DAB1: variants seen among roughly 807,000 people sequenced by gnomAD.
DAB1 encodes DAB adaptor protein 1.
A neutral mutation model predicts 64.6 loss-of-function variants in DAB1; 15 were observed. The ratio of observed to expected loss-of-function variants is 0.23; its 90% confidence interval spans 0.16 to 0.36. The LOEUF is 0.36. DAB1 is among the 10% of genes least tolerant of loss of function. DAB1 has a pLI of 1.00. For synonymous variants in DAB1, 235 were observed against 251.9 expected, an observed-to-expected ratio of 0.93 and a Z score of 0.64; for missense variants, 596 against 706.7, an observed-to-expected ratio of 0.84 and a Z score of 1.78.
At chr1:57,734,407 G>T (rs1028088561) in intron 6 of DAB1, among the ~76,000 whole-genome samples, 4 of 152,178 alleles carry the variant, frequency 2.6e-5, no homozygotes, top group South Asian at 2.1e-4. Context: ...AAAGATAAAA[G>T]GTAATATATA....
intron 2 of DAB1, among the ~76,000 whole-genome samples, chr1:57,250,412 G>A (rs1289398675): frequency 2.6e-5 from 4 of 152,164 alleles, no homozygotes; most frequent in East Asian, 1.9e-4. Flanking sequence ...GTGTACCTAC[G>A]CGAGGAGGTA....
chr1:57,612,195 T>TTGTGTATGTG (rs1553200167), intron 7 of DAB1, among the ~76,000 whole-genome samples: 50 of 149,662 alleles, frequency 3.3e-4, no homozygotes, highest in Non-Finnish European at 5.2e-4. Flanking sequence ...TGGCATGATC[T>TTGTGTATGTG]TGTGTGTGTG....
At chr1:57,746,993 G>A (rs149596713) in intron 6 of DAB1, among the ~76,000 whole-genome samples, 4 of 152,010 alleles carry the variant, frequency 2.6e-5, no homozygotes, top group South Asian at 2.1e-4. Flanking sequence ...CTTATTATAC[G>A]TTGGCTTTTT....
intron 6 of DAB1, among the ~76,000 whole-genome samples, chr1:57,814,053 A>G (rs573961742): frequency 6.6e-6 from 1 of 152,360 alleles, no homozygotes; most frequent in Admixed American, 6.5e-5. Flanking sequence ...TAAACAGCCA[A>G]TGACTAAAGC....
chr1:58,007,540 G>A (rs969759152), intron 5 of DAB1, among the ~76,000 whole-genome samples: 7 of 152,150 alleles, frequency 4.6e-5, no homozygotes, highest in Non-Finnish European at 7.3e-5. Flanking sequence ...TCACAAGGGC[G>A]GGCAACATTG....
chr1:58,461,974 T>C (rs1187527041), intron 3 of DAB1, among the ~76,000 whole-genome samples: 2 of 152,218 alleles, frequency 1.3e-5, no homozygotes, highest in Non-Finnish European at 2.9e-5. Flanking sequence ...CTCCCTTGTA[T>C]GCTACAGTCT....
intron 3 of DAB1, among the ~76,000 whole-genome samples, chr1:58,479,461 A>G (rs1307421266): frequency 6.6e-6 from 1 of 152,208 alleles, no homozygotes; most frequent in Non-Finnish European, 1.5e-5. Context: ...GTCCAAGAAG[A>G]TTTAATAATG....
intron 5 of DAB1, among the ~76,000 whole-genome samples, chr1:58,143,760 G>A (rs1017498800): frequency 2.0e-5 from 3 of 152,104 alleles, no homozygotes; most frequent in African/African-American, 4.8e-5. Flanking sequence ...ATGGCAAAGG[G>A]TTTCACTTTA....
chr1:58,536,826 G>C (rs749135893), intron 1 of DAB1: 1 of 727,730 alleles, frequency 1.4e-6, no homozygotes, highest in Non-Finnish European at 2.4e-6. Flanking sequence ...AGAATTTTAC[G>C]TCCTCAAATA....
At chr1:58,124,398 C>T (rs1351855002) in intron 5 of DAB1, among the ~76,000 whole-genome samples, 1 of 151,992 alleles carries the variant, frequency 6.6e-6, no homozygotes, top group South Asian at 2.1e-4. Context: ...TCATCATTTT[C>T]AACATTGGCG....
chr1:57,352,346 G>A (rs1678655827), intron 1 of DAB1, among the ~76,000 whole-genome samples: 2 of 152,144 alleles, frequency 1.3e-5, no homozygotes, highest in Admixed American at 1.3e-4. Context: ...TACAGTAGAT[G>A]ACAAATAGTA....
chr1:57,867,697 C>T (rs7514024), intron 1 of DAB1, among the ~76,000 whole-genome samples: 5,824 of 152,190 alleles, frequency 0.038, 412 homozygotes, highest in African/African-American at 0.13. Flanking sequence ...GATAAAGACA[C>T]GGAGGTTCAG....
At chr1:57,197,903 A>G (rs1464128328) in intron 2 of DAB1, among the ~76,000 whole-genome samples, 1 of 152,152 alleles carries the variant, frequency 6.6e-6, no homozygotes, top group African/African-American at 2.4e-5. Flanking sequence ...AAATTAAAGT[A>G]TGGTTTGATG....
chr1:57,218,359 G>C (rs1204939802), intron 2 of DAB1, among the ~76,000 whole-genome samples: 1 of 151,756 alleles, frequency 6.6e-6, no homozygotes, highest in African/African-American at 2.4e-5. Context: ...TAACATCCTG[G>C]GCAGAATTAT....
chr1:58,360,114 G>A (rs1644151341), intron 3 of DAB1, among the ~76,000 whole-genome samples: 1 of 152,166 alleles, frequency 6.6e-6, no homozygotes, highest in Non-Finnish European at 1.5e-5. Context: ...AAAAGGTTGT[G>A]TTCTAGTGGG....
intron 7 of DAB1, among the ~76,000 whole-genome samples, chr1:57,606,666 ATATGAAATATATATTATG>A (rs572443179): frequency 0.25 from 26,820 of 108,354 alleles, 3,698 homozygotes; most frequent in East Asian, 0.32. Context: ...TATGAAATAT[ATATGAAATATATATTATG>A]TATGAAATAT....
intron 7 of DAB1, among the ~76,000 whole-genome samples, chr1:57,543,270 T>C (rs894192580): frequency 1.3e-5 from 2 of 152,200 alleles, no homozygotes; most frequent in South Asian, 4.1e-4. Context: ...CAGAACCACA[T>C]AGCTTAGTAA....
chr1:57,703,741 T>C (rs995665834), intron 6 of DAB1, among the ~76,000 whole-genome samples: 1 of 152,082 alleles, frequency 6.6e-6, no homozygotes, highest in African/African-American at 2.4e-5. Flanking sequence ...CACATGTATA[T>C]TCATTGCAGC....
At chr1:57,199,389 G>C (rs1351283964) in intron 2 of DAB1, among the ~76,000 whole-genome samples, 2 of 152,208 alleles carry the variant, frequency 1.3e-5, no homozygotes, top group Non-Finnish European at 2.9e-5. Flanking sequence ...CTGTCCCAGA[G>C]AGAGGTGCAA....
Sources: allele counts gnomAD v4.1 joint callset (sites outside exome capture counted in the v4.1 genomes callset), GRCh38; gene constraint gnomAD v4.1.1; transcripts MANE v1.5; gene names NCBI Gene and HGNC (gene_info 2026-07-23, HGNC 2026-07-21).